Variants in MMP26 observed in about 807,000 individuals in gnomAD.
MMP26 encodes the protein matrix metallopeptidase 26.
In MMP26, 33 loss-of-function variants were observed where a neutral mutation model predicts 31.0. The observed-to-expected ratio is 1.06, with a 90% CI of 0.81 to 1.42. MMP26 has a LOEUF of 1.42. Ranked by LOEUF, MMP26 falls within the 40% of genes most tolerant of loss-of-function variation. The pLI is 0.00. For synonymous variants in MMP26, 122 were observed against 114.9 expected (o/e 1.06, Z -0.40); for missense variants, 347 against 316.1 (o/e 1.10, Z -0.74).
At chr11:4,768,550 A>G (rs2133418535) in intron 2 of MMP26, among the ~76,000 whole-genome samples, 1 of 152,340 alleles carries the variant, frequency 6.6e-6, no homozygotes, top group Admixed American at 6.5e-5. Flanking sequence ...CTGGGTTCAA[A>G]TCTCAACTGT....
intron 2 of MMP26, among the ~76,000 whole-genome samples, chr11:4,986,391 A>G (rs962925852): frequency 6.6e-6 from 1 of 151,782 alleles, no homozygotes; most frequent in African/African-American, 2.4e-5. Context: ...TCTGTTGTCA[A>G]GGCTAGAATG....
intron 2 of MMP26, chr11:4,848,462 A>C: frequency 6.2e-7 from 1 of 1,613,800 alleles, no homozygotes; most frequent in South Asian, 1.1e-5. Context: ...AGAGGTGGGC[A>C]GCACAGGTTT....
At chr11:4,836,841 G>A (rs1456344915) in intron 2 of MMP26, among the ~76,000 whole-genome samples, 1 of 141,840 alleles carries the variant, frequency 7.1e-6, no homozygotes, top group South Asian at 2.2e-4. Context: ...TTTTTTTTTT[G>A]TATTTTTGGT....
At chr11:4,989,496 G>T in intron 3 of MMP26, 152 bp from the exon 4 acceptor site, 2 of 592,498 alleles carry the variant, frequency 3.4e-6, no homozygotes, top group Non-Finnish European at 6.0e-6. Flanking sequence ...AATCAGGGAT[G>T]GCTGCCATCA....
chr11:4,849,997 A>C lies in MMP26; in HGVS notation c.-145+82656A>C, dbSNP rs543712551. The stretch of plus-strand genomic sequence containing the variant: ...TAATTTTTATATGTTGGAACATTTC[A>C]AGTTCTGTCTACTAGCTATTTTGAA... On this transcript the variant is annotated intron_variant, in intron 2 of 7. Transcript: ENST00000380390. Among the ~76,000 whole-genome samples the C allele has an allele frequency of 9.2e-5, 14 of 152,264 alleles. No individual in the cohort carries two copies. In the East Asian group the frequency reaches 2.7e-3, roughly 29 times the overall value.
At position 4,769,745 on chromosome 11, in the gene MMP26, T is replaced by C. The variant is rs144653402; in HGVS notation, c.-145+2404T>C. 1.1e-4 allele frequency: 179 copies of C among 1,613,960 alleles called. 1 individual carries two copies. In the African/African-American group the frequency reaches 2.1e-3, roughly 19 times the overall value. On this transcript the variant is annotated intron_variant, in intron 2 of 7. Transcript: ENST00000380390. ...GAAGAGGAAATAATACATGGGTTCATGGAGACTCTGCTGGGTAATGATGAC... is the reference window on the plus strand; with the variant it reads ...GAAGAGGAAATAATACATGGGTTCACGGAGACTCTGCTGGGTAATGATGAC...
chr11:4,747,378 G>T (rs1290136618), intron 1 of MMP26, among the ~76,000 whole-genome samples: 3 of 152,076 alleles, frequency 2.0e-5, no homozygotes, highest in African/African-American at 7.2e-5. Context: ...AAGAAACTCT[G>T]TTACTATCTG....
chr11:4,730,404 A>AAGAGACAGAGAGAGAGAGAGAGAG lies in MMP26; in HGVS notation c.-217+25364_-217+25365insCAGAGAGAGAGAGAGAGAGAGAGA, dbSNP rs141091963. On this transcript the variant is annotated intron_variant, in intron 1 of 7. Coordinates refer to ENST00000380390, the MANE Select transcript of MMP26 (RefSeq NM_021801.5). ...TATTTTAACACTTAGGTTTCTGGGA[A>AAGAGACAGAGAGAGAGAGAGAGAG]AGAGAGAGAGAGAGAGAGAGAGAGA... is the stretch of plus-strand genomic sequence containing the variant. Among the ~76,000 whole-genome samples the AAGAGACAGAGAGAGAGAGAGAGAG allele has an allele frequency of 5.5e-3, 800 of 145,030 alleles. 10 individuals carry two copies. Among genetic ancestry groups the AAGAGACAGAGAGAGAGAGAGAGAG allele is most frequent in the African/African-American group, 0.02 (764 of 38,174 alleles).
chr11:4,865,917 T>G (rs1160051173), intron 2 of MMP26, among the ~76,000 whole-genome samples: 1 of 152,060 alleles, frequency 6.6e-6, no homozygotes, highest in Non-Finnish European at 1.5e-5. Context: ...ATCTATGGCT[T>G]TATGATAAAT....
chr11:4,873,708 C>T (rs920695735), intron 2 of MMP26, among the ~76,000 whole-genome samples: 3 of 151,960 alleles, frequency 2.0e-5, no homozygotes, highest in Non-Finnish European at 4.4e-5. Context: ...TATATCTGAA[C>T]TTTATTGAGT....
chr11:4,906,794 C>T lies in MMP26; in HGVS notation c.-144-81274C>T, dbSNP rs943480011. 5.9e-5 allele frequency among the ~76,000 whole-genome samples: 9 copies of T among 152,146 alleles called. No homozygotes were observed. In the South Asian group the frequency reaches 6.2e-4, roughly 11 times the overall value. The stretch of plus-strand genomic sequence containing the variant: ...GATATGTTTTATATATTTTGCTAAA[C>T]ATCTTAAAAAGTAGGGCCAGATGCA... On this transcript the variant is annotated intron_variant, in intron 2 of 7. Transcript: ENST00000380390.
At chr11:4,940,284 G>C (rs1260881945) in intron 2 of MMP26, among the ~76,000 whole-genome samples, 1 of 152,042 alleles carries the variant, frequency 6.6e-6, no homozygotes, top group African/African-American at 2.4e-5. Context: ...GGCATGCCTG[G>C]ATGGACATTC....
At chr11:4,907,540 G>T in intron 2 of MMP26, 1 of 1,614,014 alleles carries the variant, frequency 6.2e-7, no homozygotes, top group Non-Finnish European at 8.5e-7. Context: ...CGCTTCATGA[G>T]CCCATGTATT....
chr11:4,825,823 G>A (rs1849571628), intron 2 of MMP26, among the ~76,000 whole-genome samples: 1 of 152,128 alleles, frequency 6.6e-6, no homozygotes, highest in East Asian at 1.9e-4. Context: ...AACAACTGAA[G>A]TTAAAGAAGG....
chr11:4,789,530 CTTTTTTTTT>C (rs71050429), intron 2 of MMP26, among the ~76,000 whole-genome samples: 8 of 65,972 alleles, frequency 1.2e-4, no homozygotes, highest in South Asian at 9.5e-4. Context: ...TATCCCCCCA[CTTTTTTTTT>C]TTTTTTTTTT....
intron 2 of MMP26, chr11:4,859,981 C>A (rs147939169): frequency 6.4e-6 from 3 of 470,898 alleles, no homozygotes; most frequent in African/African-American, 6.0e-5. Flanking sequence ...GCTGTTGATG[C>A]GGGTGCTGGC....
intron 2 of MMP26, among the ~76,000 whole-genome samples, chr11:4,968,366 T>G (rs1846623092): frequency 6.6e-6 from 1 of 151,990 alleles, no homozygotes; most frequent in African/African-American, 2.4e-5. Context: ...CTCTACATGG[T>G]GAAAGAACAA....
chr11:4,832,309 G>T (rs1054350431), intron 2 of MMP26: 2 of 165,770 alleles, frequency 1.2e-5, no homozygotes, highest in Non-Finnish European at 1.3e-5. Flanking sequence ...CCCTGCAAGA[G>T]CCCATGTACT....
At chr11:4,962,050 G>GT (rs1846529017) in intron 2 of MMP26, among the ~76,000 whole-genome samples, 1 of 151,842 alleles carries the variant, frequency 6.6e-6, no homozygotes, top group African/African-American at 2.4e-5. Flanking sequence ...TTGTTTGTTT[G>GT]TTTTTTGTAT....
Sources: gnomAD v4.1 joint callset for allele counts (sites outside exome capture counted in the v4.1 genomes callset) on GRCh38, gnomAD v4.1.1 for gene constraint, MANE v1.5 for transcripts, NCBI Gene and HGNC (gene_info 2026-07-23, HGNC 2026-07-21) for gene names.